Variants in NUSAP1 observed in about 807,000 individuals in gnomAD.
The protein encoded by NUSAP1 is nucleolar and spindle associated protein 1, also known as nucleolar and spindle-associated protein 1.
NUSAP1 carries 32 observed loss-of-function variants against 52.8 expected under a neutral mutation model. That is an observed-to-expected ratio of 0.61 (90% CI 0.46 to 0.81). The LOEUF (loss-of-function observed/expected upper bound fraction) is 0.81, where lower values mean the gene tolerates loss of function less well. NUSAP1 is among the 40% of genes least tolerant of loss of function. NUSAP1 has a pLI of 0.00. For missense variants in NUSAP1, 499 were observed against 522.3 expected, an observed-to-expected ratio of 0.96 and a Z score of 0.43; for synonymous variants, 195 against 183.1, an observed-to-expected ratio of 1.06 and a Z score of -0.52.
chr15:41,337,257 G>A (rs183364695), intron 1 of NUSAP1, among the ~76,000 whole-genome samples: 65 of 152,084 alleles, frequency 4.3e-4, no homozygotes, highest in Admixed American at 1.2e-3. Context: ...GAGATTCAGC[G>A]ATCCTCGCGC....
At chr15:41,338,137 G>A (rs2048234624) in intron 1 of NUSAP1, among the ~76,000 whole-genome samples, 1 of 151,728 alleles carries the variant, frequency 6.6e-6, no homozygotes, top group South Asian at 2.1e-4. Flanking sequence ...ACTTCACCAT[G>A]TTGGCCTGGC....
At position 41,342,433 on chromosome 15, in the gene NUSAP1, A is replaced by C. The variant is rs911727173; in HGVS notation, c.141A>C (p.Ala47=). 3 of 1,592,890 alleles carry C rather than the reference A, an allele frequency of 1.9e-6. No individual in the cohort carries two copies. In the African/African-American group the frequency reaches 4.0e-5, roughly 21 times the overall value. ...KALKGYIKHE[A]RKGNENQDES... is the part of the protein sequence containing the mutation. The stretch of plus-strand genomic sequence containing the variant: ...TGAAAGGCTACATTAAACATGAGGC[A>C]AGAAAAGGAAATGAGAATCAGGTGA... The change falls in exon 2 of 11, where the codon GCA becomes GCC. Residue 47 remains alanine (A), a synonymous_variant. Transcript: ENST00000559596.
In NUSAP1 at chr15:41,348,377, T is replaced by C. The variant is rs527245638; in HGVS notation, c.163-721T>C. 2.9e-3 allele frequency among the ~76,000 whole-genome samples: 447 copies of C among 151,748 alleles called. 3 individuals are homozygous for C. The highest frequency in any genetic ancestry group is 0.01 in the African/African-American group (421 of 41,384). On this transcript the variant is annotated intron_variant, in intron 2 of 10. Coordinates refer to ENST00000559596, the MANE Select transcript of NUSAP1 (RefSeq NM_016359.5). ...TACAGGTGTGAGCCACTGGCCCGGCTTAATACATTTTTAATAATTTTAAGT... is the reference window on the plus strand; with the variant it reads ...TACAGGTGTGAGCCACTGGCCCGGCCTAATACATTTTTAATAATTTTAAGT...
At position 41,350,962 on chromosome 15, in the gene NUSAP1, C is replaced by A. The variant is rs547089226; in HGVS notation, c.307-26C>A. The A allele has an allele frequency of 3.7e-5, 59 of 1,576,658 alleles. 1 individual carries two copies. In the South Asian group the frequency reaches 5.2e-4, roughly 14 times the overall value. ...AGCAATTCTTATTTATCATCGAAAT[C>A]TTTTATTTCCTTTTTAAATTTGTAG... On this transcript the variant is annotated intron_variant, in intron 3 of 10. Transcript: ENST00000559596.
At chr15:41,360,861 C>G (rs2049146873) in intron 6 of NUSAP1, among the ~76,000 whole-genome samples, 1 of 143,034 alleles carries the variant, frequency 7.0e-6, no homozygotes, top group Non-Finnish European at 1.5e-5. Flanking sequence ...GTGGTGCGAT[C>G]TTGGCTCACT....
intron 8 of NUSAP1, among the ~76,000 whole-genome samples, chr15:41,372,813 C>T (rs946665637): frequency 1.3e-5 from 2 of 152,228 alleles, no homozygotes; most frequent in African/African-American, 2.4e-5. Context: ...ATTGGCCGGA[C>T]GCAGTGGCTC....
chr15:41,370,606 C>T (rs146958214), intron 7 of NUSAP1, among the ~76,000 whole-genome samples: 15 of 151,916 alleles, frequency 9.9e-5, no homozygotes, highest in Middle Eastern at 3.4e-3. Context: ...CAAAATTAGC[C>T]GGGCATGGTG....
chr15:41,334,550 T>G (rs1405185954), intron 1 of NUSAP1, among the ~76,000 whole-genome samples: 3 of 152,268 alleles, frequency 2.0e-5, no homozygotes, highest in Non-Finnish European at 4.4e-5. Flanking sequence ...CCTTAATATC[T>G]CAGCCTAAAT....
At chr15:41,333,903 C>G (rs1023455303) in intron 1 of NUSAP1, among the ~76,000 whole-genome samples, 9 of 152,168 alleles carry the variant, frequency 5.9e-5, no homozygotes, top group African/African-American at 2.2e-4. Flanking sequence ...CAGAGAGAGA[C>G]TCAGTCTCAA....
rs538091724 is a variant in NUSAP1, at chr15:41,368,967, G to T, written c.849-2560G>T. Among the ~76,000 whole-genome samples, 4 of 151,976 alleles carry T rather than the reference G, an allele frequency of 2.6e-5. No homozygotes were observed. The South Asian group carries it at 8.3e-4, about 32-fold the overall frequency. On this transcript the variant is annotated intron_variant, in intron 7 of 10. Transcript: ENST00000559596. ...GTGTTTCACCATGCTGACCAGGCTG[G>T]TCTAGAAATCCTGGCCTCAAGTGAT...
chr15:41,373,366 G>C (rs1026596690), intron 8 of NUSAP1, among the ~76,000 whole-genome samples: 1 of 151,066 alleles, frequency 6.6e-6, no homozygotes, highest in Non-Finnish European at 1.5e-5. Context: ...CTGGGAGACA[G>C]AGCAAGACTC....
intron 5 of NUSAP1, among the ~76,000 whole-genome samples, chr15:41,356,349 T>C (rs944399320): frequency 1.0e-5 from 1 of 95,456 alleles, no homozygotes; most frequent in Non-Finnish European, 1.9e-5. Flanking sequence ...AGTGCCTATT[T>C]CTTTCTTTTT....
intron 8 of NUSAP1, among the ~76,000 whole-genome samples, 190 bp from the exon 9 acceptor site, chr15:41,375,522 A>G (rs755704396): frequency 6.6e-6 from 1 of 152,126 alleles, no homozygotes; most frequent in Non-Finnish European, 1.5e-5. Flanking sequence ...CATGTTGGTC[A>G]GGATGGTCTT....
At chr15:41,364,913 G>A (rs191635161) in intron 6 of NUSAP1, among the ~76,000 whole-genome samples, 34 of 151,602 alleles carry the variant, frequency 2.2e-4, no homozygotes, top group African/African-American at 7.5e-4. Context: ...CATAGCAGCC[G>A]GGAAAGGCTT....
chr15:41,334,708 G>C (rs1410750264), intron 1 of NUSAP1, among the ~76,000 whole-genome samples: 1 of 150,382 alleles, frequency 6.6e-6, no homozygotes, highest in Non-Finnish European at 1.5e-5. Flanking sequence ...GCCTGGCTGT[G>C]TGTGTGTGTG....
rs1376432325 is a variant in NUSAP1, at chr15:41,371,673, A to T, written c.995A>T (p.Asn332Ile). 6.3e-7 allele frequency: 1 copy of T among 1,579,302 alleles called. No individual in the cohort carries two copies. Among genetic ancestry groups the T allele is most frequent in the Admixed American group, 2.1e-5 (1 of 48,006 alleles). Residue 332 changes from asparagine (N) to isoleucine (I), a missense_variant, in exon 8 of 11, where the codon AAT (asparagine) becomes ATT (isoleucine). Transcript: ENST00000559596. ...GTHKLKTITG[N>I]SAAVITPFKL... is the part of the protein sequence containing the mutation. The stretch of plus-strand genomic sequence containing the variant: ...CACAAATTAAAGACCATCACGGGGA[A>T]TTCTGCTGCTGGTAAAAAAAAAAAA...
At chr15:41,357,121 A>C (rs1452735039) in intron 5 of NUSAP1, among the ~76,000 whole-genome samples, 1 of 152,110 alleles carries the variant, frequency 6.6e-6, no homozygotes, top group Admixed American at 6.5e-5. Flanking sequence ...TAATCCCAGC[A>C]CTTTGGGAGG....
chr15:41,362,899 G>C (rs758238632), intron 6 of NUSAP1, among the ~76,000 whole-genome samples: 1 of 152,086 alleles, frequency 6.6e-6, no homozygotes, highest in Admixed American at 6.6e-5. Context: ...CTTGAAGCCC[G>C]TAGGCGGAGA....
intron 1 of NUSAP1, among the ~76,000 whole-genome samples, chr15:41,336,999 C>CTTTTTTTTTTT (rs201223527): frequency 2.0e-4 from 13 of 65,828 alleles, no homozygotes; most frequent in Non-Finnish European, 2.7e-4. Context: ...CTTTCCTTTT[C>CTTTTTTTTTTT]TTTTTTTTTT....
Sources: gnomAD v4.1 joint callset for allele counts (sites outside exome capture counted in the v4.1 genomes callset) on GRCh38, gnomAD v4.1.1 for gene constraint, MANE v1.5 for transcripts, NCBI Gene and HGNC (gene_info 2026-07-23, HGNC 2026-07-21) for gene names.